The following THSD7B variants were observed in gnomAD, a reference collection of about 807,000 sequenced individuals.
THSD7B encodes the protein thrombospondin type-1 domain-containing protein 7B.
THSD7B carries 138 observed loss-of-function variants against 213.6 expected under a neutral mutation model. The ratio of observed to expected loss-of-function variants is 0.65; its 90% CI spans 0.56 to 0.74. The LOEUF (loss-of-function observed/expected upper bound fraction) is 0.74. Among genes scored for constraint, THSD7B ranks in the 30% least tolerant of loss-of-function variants. The pLI, the probability that THSD7B is intolerant of heterozygous loss-of-function variation, is 0.00. For synonymous variants in THSD7B, 742 were observed against 687.0 expected, an observed-to-expected ratio of 1.08 and a Z score of -1.25; for missense variants, 1,931 against 1,991.5, an observed-to-expected ratio of 0.97 and a Z score of 0.58.
At chr2:136,812,186 T>G (rs1218643241) in intron 1 of THSD7B, among the ~76,000 whole-genome samples, 1 of 152,234 alleles carries the variant, frequency 6.6e-6, no homozygotes, top group African/African-American at 2.4e-5. Flanking sequence ...AAACTCATTC[T>G]GGTTGCTGGA....
chr2:137,649,332 G>GA lies in THSD7B; in HGVS notation c.3946-6161dup, dbSNP rs1024288091. On this transcript the variant is annotated intron_variant, in intron 21 of 27. Transcript: ENST00000409968. ...CTGTGCTTTGATATCTGACACAAAA[G>GA]AAAAAAAATCTTTTCCCAGACCAAT... 1.1e-4 allele frequency among the ~76,000 whole-genome samples: 16 copies of GA among 151,824 alleles called. No individual in the cohort carries two copies. The South Asian group carries it at 1.7e-3, about 16-fold the overall frequency.
At chr2:136,862,352 A>T (rs1441907793) in intron 1 of THSD7B, among the ~76,000 whole-genome samples, 1 of 152,132 alleles carries the variant, frequency 6.6e-6, no homozygotes, top group Non-Finnish European at 1.5e-5. Flanking sequence ...CTATCATCTA[A>T]ATCAGTTTCA....
intron 3 of THSD7B, among the ~76,000 whole-genome samples, chr2:137,077,950 T>A (rs1328624791): frequency 6.6e-6 from 1 of 152,220 alleles, no homozygotes; most frequent in Non-Finnish European, 1.5e-5. Context: ...AGGGTTTTTA[T>A]GGTTTCAGGT....
At chr2:137,441,765 A>G (rs1437316263) in intron 14 of THSD7B, among the ~76,000 whole-genome samples, 1 of 152,128 alleles carries the variant, frequency 6.6e-6, no homozygotes, top group Non-Finnish European at 1.5e-5. Flanking sequence ...CATTTTGTCA[A>G]TGTTATCCTA....
At chr2:137,555,426 C>T (rs1257317786) in intron 15 of THSD7B, among the ~76,000 whole-genome samples, 1 of 152,316 alleles carries the variant, frequency 6.6e-6, no homozygotes, top group Non-Finnish European at 1.5e-5. Context: ...GATACCCAGG[C>T]AAACAGGGCC....
At chr2:137,153,964 T>A (rs1313529723) in intron 5 of THSD7B, among the ~76,000 whole-genome samples, 7 of 152,146 alleles carry the variant, frequency 4.6e-5, no homozygotes, top group Non-Finnish European at 1.0e-4. Context: ...AGTCTTTGAG[T>A]GAGCATTTCC....
chr2:137,655,614 C>T lies in THSD7B; in HGVS notation c.4059C>T (p.Pro1353=). The T allele has an allele frequency of 6.2e-7, 1 of 1,613,070 alleles. No individual in the cohort carries two copies. The highest frequency in any genetic ancestry group is 8.5e-7 in the Non-Finnish European group (1 of 1,179,596). ...AGGATGCACTGTGTGGAGAAATGCC[C>T]TTTCAGGACAGCATCCTGAAGCAGC... The part of the protein sequence containing the change: ...RVEDALCGEM[P]FQDSILKQLC... The change falls in exon 22 of 28, where the codon CCC becomes CCT. Residue 1353 remains proline (P), a synonymous_variant. Transcript: ENST00000409968.
intron 15 of THSD7B, among the ~76,000 whole-genome samples, chr2:137,533,623 G>A (rs1680442762): frequency 6.6e-6 from 1 of 151,850 alleles, no homozygotes; most frequent in Admixed American, 6.6e-5. Flanking sequence ...ACATTGCATT[G>A]CAAATGTTAT....
chr2:137,675,227 G>A (rs540344622), intron 27 of THSD7B, among the ~76,000 whole-genome samples: 5 of 151,916 alleles, frequency 3.3e-5, no homozygotes, highest in Admixed American at 6.6e-5. Flanking sequence ...CTTTTGGCAC[G>A]ATGAAAATGT....
intron 17 of THSD7B, among the ~76,000 whole-genome samples, chr2:137,610,818 CTT>C (rs1451609059): frequency 1.3e-5 from 2 of 151,786 alleles, no homozygotes; most frequent in South Asian, 2.1e-4. Flanking sequence ...TAGGTACAAA[CTT>C]AATTTGATAA....
intron 21 of THSD7B, among the ~76,000 whole-genome samples, chr2:137,649,520 T>G (rs2104811316): frequency 6.6e-6 from 1 of 152,310 alleles, no homozygotes; most frequent in South Asian, 2.1e-4. Context: ...CCCGGTAATA[T>G]TTATTGAAGA....
At chr2:137,634,405 C>T (rs1437755087) in intron 20 of THSD7B, among the ~76,000 whole-genome samples, 2 of 152,142 alleles carry the variant, frequency 1.3e-5, no homozygotes, top group East Asian at 1.9e-4. Flanking sequence ...CTACAGTGCA[C>T]TGGAGTTTAT....
In THSD7B at chr2:137,396,682, G is replaced by A. The variant is rs551345506; in HGVS notation, c.2501-8931G>A. ...AGTTCTGTAGATGTCTATTAGGTCC[G>A]CTTGGTGCAGAGCTGAGTTCAATTC... is the stretch of plus-strand genomic sequence containing the variant. On this transcript the variant is annotated intron_variant, in intron 12 of 27. Transcript: ENST00000409968. 7.3e-3 allele frequency among the ~76,000 whole-genome samples: 1,022 copies of A among 139,474 alleles called. 41 individuals are homozygous for A. The highest frequency in any genetic ancestry group is 0.023 in the African/African-American group (854 of 37,736). The allele number at this position is 139,474 out of a possible 152,430, so 91.5% of individuals were successfully genotyped here.
Position 137,442,972 on chromosome 2 carries a change from T to C in THSD7B, c.2960-7873T>C, listed in dbSNP as rs72979652. On this transcript the variant is annotated intron_variant, in intron 14 of 27. Transcript: ENST00000409968. The stretch of plus-strand genomic sequence containing the variant: ...CTGTGTGTCTTTATTGTGTTGCAAA[T>C]GCCAAGTTTGTTATGTGATTAAAGC... Among the ~76,000 whole-genome samples the C allele has an allele frequency of 9.8e-3, 1,496 of 152,226 alleles. 28 individuals are homozygous for C. The highest frequency in any genetic ancestry group is 0.034 in the African/African-American group (1,429 of 41,548).
intron 3 of THSD7B, among the ~76,000 whole-genome samples, chr2:137,075,404 A>G (rs1193643019): frequency 6.6e-5 from 10 of 152,098 alleles, no homozygotes; most frequent in African/African-American, 2.4e-4. Flanking sequence ...TGCATTCATC[A>G]TGTAGCTCTC....
At chr2:137,279,173 A>G (rs906959405) in intron 12 of THSD7B, among the ~76,000 whole-genome samples, 2 of 152,164 alleles carry the variant, frequency 1.3e-5, no homozygotes, top group African/African-American at 4.8e-5. Flanking sequence ...GAGTCAGATA[A>G]TTATTTGTTT....
chr2:136,799,736 T>G (rs370213676), intron 1 of THSD7B, among the ~76,000 whole-genome samples: 2 of 151,996 alleles, frequency 1.3e-5, no homozygotes, highest in East Asian at 3.9e-4. Context: ...GAAATAGAAC[T>G]TTCAGAGATT....
chr2:136,940,154 C>T (rs1410390260), intron 2 of THSD7B, among the ~76,000 whole-genome samples: 1 of 152,072 alleles, frequency 6.6e-6, no homozygotes, highest in Non-Finnish European at 1.5e-5. Flanking sequence ...AATAATTTCT[C>T]ATCCCTCACC....
intron 7 of THSD7B, among the ~76,000 whole-genome samples, chr2:137,193,779 G>A (rs761969688): frequency 5.9e-5 from 9 of 151,646 alleles, no homozygotes; most frequent in Non-Finnish European, 8.8e-5. Context: ...ATAAGGTTAC[G>A]GGATGCATAC....
Sources: allele counts gnomAD v4.1 joint callset (sites outside exome capture counted in the v4.1 genomes callset), GRCh38; gene constraint gnomAD v4.1.1; transcripts MANE v1.5; gene names NCBI Gene and HGNC (gene_info 2026-07-23, HGNC 2026-07-21).